Variants in CSMD1 observed in about 807,000 individuals in gnomAD.
CSMD1 encodes CUB and Sushi multiple domains 1, also known as CUB and sushi domain-containing protein 1.
A neutral mutation model predicts 417.5 loss-of-function variants in CSMD1; 213 were observed. The ratio of observed to expected loss-of-function variants is 0.51; its 90% CI spans 0.46 to 0.57. The LOEUF is 0.57. Among genes scored for constraint, CSMD1 ranks in the 20% least tolerant of loss-of-function variants. The probability of loss-of-function intolerance (pLI) is 0.00; values close to 1 mark genes in which losing one functional copy is unlikely to be tolerated. For synonymous variants in CSMD1, 2,862 were observed against 1,736.8 expected (o/e 1.65, Z -16.11); for missense variants, 6,923 against 4,529.7 (o/e 1.53, Z -15.17).
intron 6 of CSMD1, among the ~76,000 whole-genome samples, chr8:3,730,825 A>G (rs996816385): frequency 1.3e-5 from 2 of 152,180 alleles, no homozygotes; most frequent in Non-Finnish European, 2.9e-5. Flanking sequence ...AACCCCATTC[A>G]TGTTATGCCA....
chr8:4,332,223 C>A (rs10104209), intron 3 of CSMD1, among the ~76,000 whole-genome samples: 1 of 151,786 alleles, frequency 6.6e-6, no homozygotes, highest in Non-Finnish European at 1.5e-5. Context: ...GGATCCCTCA[C>A]GAAGCTAACG....
At chr8:3,888,465 G>C (rs140940010) in intron 5 of CSMD1, among the ~76,000 whole-genome samples, 251 of 152,230 alleles carry the variant, frequency 1.6e-3, no homozygotes, top group African/African-American at 5.7e-3. Context: ...AAAAAGAAGC[G>C]CCATTTAGGA....
At position 3,973,834 on chromosome 8, in the gene CSMD1, G is replaced by T. The variant is rs117412442; in HGVS notation, c.818+24069C>A. 7.7e-3 allele frequency among the ~76,000 whole-genome samples: 1,175 copies of T among 152,258 alleles called. 2 individuals carry two copies. Among genetic ancestry groups the T allele is most frequent in the South Asian group, 0.015 (70 of 4,826 alleles). On this transcript the variant is annotated intron_variant, in intron 5 of 69. Transcript: ENST00000635120. Reference sequence around the variant, plus strand: ...TGGCCTTTTATGTGTTTAATATGTAGTTGCTGTTTTTTAATTTTAAGTGTT... The same window carrying T: ...TGGCCTTTTATGTGTTTAATATGTATTTGCTGTTTTTTAATTTTAAGTGTT...
chr8:4,440,041 C>CTAAA (rs1176431460), intron 2 of CSMD1, among the ~76,000 whole-genome samples: 15 of 152,130 alleles, frequency 9.9e-5, no homozygotes, highest in African/African-American at 3.6e-4. Flanking sequence ...CTTAATATAT[C>CTAAA]TAAAATAGCA....
chr8:4,270,781 G>A (rs1353363418), intron 3 of CSMD1, among the ~76,000 whole-genome samples: 2 of 152,098 alleles, frequency 1.3e-5, no homozygotes, highest in South Asian at 2.1e-4. Flanking sequence ...CCCCCCAGGG[G>A]GCTGTGGCTT....
intron 3 of CSMD1, among the ~76,000 whole-genome samples, chr8:4,332,817 A>C (rs758515369): frequency 1.6e-4 from 24 of 152,044 alleles, no homozygotes; most frequent in Non-Finnish European, 3.4e-4. Context: ...AGAAGTTTTC[A>C]GGGAAACTTT....
At chr8:3,962,634 G>C (rs1049491024) in intron 5 of CSMD1, among the ~76,000 whole-genome samples, 1 of 152,152 alleles carries the variant, frequency 6.6e-6, no homozygotes, top group Non-Finnish European at 1.5e-5. Context: ...GAAAAGGAGA[G>C]CATGGACATT....
rs77892180 is a variant in CSMD1, at chr8:4,461,227, T to G, written c.303-41162A>C. ...AAAACAATTAACTAGCAATGGGGAA[T>G]TTCTTCAACCTGATAAAAGTCACCT... On this transcript the variant is annotated intron_variant, in intron 2 of 69. Transcript: ENST00000635120. 7.2e-3 allele frequency among the ~76,000 whole-genome samples: 1,097 copies of G among 152,074 alleles called. 31 individuals are homozygous for G. The highest frequency in any genetic ancestry group is 0.025 in the African/African-American group (1,041 of 41,382).
intron 26 of CSMD1, among the ~76,000 whole-genome samples, chr8:3,256,626 C>G (rs565209049): frequency 3.3e-5 from 5 of 152,212 alleles, no homozygotes; most frequent in Non-Finnish European, 7.3e-5. Flanking sequence ...GACTCTGAAT[C>G]CCACTTCCAA....
intron 7 of CSMD1, among the ~76,000 whole-genome samples, chr8:3,639,628 C>G (rs1484076911): frequency 3.3e-5 from 5 of 152,292 alleles, no homozygotes; most frequent in African/African-American, 9.6e-5. Flanking sequence ...TTCTAAATCC[C>G]AATTCCCTCA....
chr8:2,989,660 G>A (rs996671002), intron 54 of CSMD1, among the ~76,000 whole-genome samples: 22 of 152,122 alleles, frequency 1.4e-4, no homozygotes, highest in Admixed American at 1.4e-3. Flanking sequence ...CAGTATCTGG[G>A]ATACAGAGAA....
At chr8:4,988,642 T>C (rs1811304436) in intron 1 of CSMD1, among the ~76,000 whole-genome samples, 1 of 152,174 alleles carries the variant, frequency 6.6e-6, no homozygotes, top group Admixed American at 6.5e-5. Flanking sequence ...TGACAAAATC[T>C]CTCATCTTCA....
chr8:3,668,781 G>C (rs1048578971), intron 7 of CSMD1, among the ~76,000 whole-genome samples: 2 of 152,254 alleles, frequency 1.3e-5, no homozygotes, highest in African/African-American at 4.8e-5. Context: ...ATCTACTCTA[G>C]TTTTGGCTCA....
chr8:3,111,928 G>A (rs578003354), intron 42 of CSMD1, among the ~76,000 whole-genome samples: 20 of 151,962 alleles, frequency 1.3e-4, no homozygotes, highest in Non-Finnish European at 1.8e-4. Flanking sequence ...CCCTCCAGAC[G>A]TCGAGGGAGT....
intron 12 of CSMD1, among the ~76,000 whole-genome samples, chr8:3,420,241 A>G (rs1813401548): frequency 6.6e-6 from 1 of 152,162 alleles, no homozygotes; most frequent in Non-Finnish European, 1.5e-5. Context: ...GTCTAACCAC[A>G]AGAAAAGCAT....
chr8:4,399,324 T>A (rs113936795), intron 3 of CSMD1, among the ~76,000 whole-genome samples: 1 of 152,336 alleles, frequency 6.6e-6, no homozygotes, highest in African/African-American at 2.4e-5. Flanking sequence ...TGAAAACAAT[T>A]TAAACAATAC....
chr8:4,274,382 A>G (rs528517077), intron 3 of CSMD1, among the ~76,000 whole-genome samples: 2 of 152,266 alleles, frequency 1.3e-5, no homozygotes, highest in South Asian at 2.1e-4. Context: ...CAAAATTAAG[A>G]TTTTAAACAC....
chr8:4,144,775 G>C (rs1804009339), intron 3 of CSMD1, among the ~76,000 whole-genome samples: 1 of 150,946 alleles, frequency 6.6e-6, no homozygotes. Flanking sequence ...CAGGAATGAT[G>C]GATTTACCAG....
In CSMD1 at chr8:4,366,781, A is replaced by G. The variant is rs114882110; in HGVS notation, c.415+53172T>C. Among the ~76,000 whole-genome samples, 808 of 152,196 alleles carry G rather than the reference A, an allele frequency of 5.3e-3. 8 individuals are homozygous for G. Among genetic ancestry groups the G allele is most frequent in the African/African-American group, 0.019 (769 of 41,556 alleles). ...GTGCACGTTAGTTACATACATATAC[A>G]TGTGCCATGCTGCTGTGCTGCACCC... On this transcript the variant is annotated intron_variant, in intron 3 of 69. Coordinates refer to ENST00000635120, the MANE Select transcript of CSMD1 (RefSeq NM_033225.6).
Sources: allele counts gnomAD v4.1 joint callset (sites outside exome capture counted in the v4.1 genomes callset), GRCh38; gene constraint gnomAD v4.1.1; transcripts MANE v1.5; gene names NCBI Gene and HGNC (gene_info 2026-07-23, HGNC 2026-07-21).